The following ARL17B variants were observed in gnomAD, a reference collection of about 807,000 sequenced individuals.
The protein encoded by ARL17B is ARF like GTPase 17B, also known as ADP-ribosylation factor-like protein 17.
At chr17:46,308,828 G>C (rs1332950549) in intron 3 of ARL17B, among the ~76,000 whole-genome samples, 1 of 73,638 alleles carries the variant, frequency 1.4e-5, no homozygotes, top group East Asian at 2.6e-4. Flanking sequence ...GTGGTTGATC[G>C]ATGATGAATT....
At chr17:46,277,332 C>G (rs908725152) in intron 4 of ARL17B, among the ~76,000 whole-genome samples, 2 of 152,198 alleles carry the variant, frequency 1.3e-5, no homozygotes, top group African/African-American at 4.8e-5. Context: ...CAAGCAACTT[C>G]CTCTCCTTCA....
intron 4 of ARL17B, among the ~76,000 whole-genome samples, chr17:46,276,790 C>CTTTTCTTTTTTT (rs2049598576): frequency 1.5e-5 from 2 of 134,306 alleles, no homozygotes; most frequent in Non-Finnish European, 3.2e-5. Flanking sequence ...TTCTTTTTTT[C>CTTTTCTTTTTTT]TTTTTTTTTT....
rs2049587980 is a variant in ARL17B at position 46,276,409 on chromosome 17, C to G, written c.*22-991G>C. Among the ~76,000 whole-genome samples, 6 of 152,308 alleles carry G rather than the reference C, an allele frequency of 3.9e-5. No homozygotes were observed. In the South Asian group the frequency reaches 1.2e-3, roughly 32 times the overall value. ...TAAAAAATTATATTAGCTAACCTGA[C>G]TTTTTGGGGGGCAATTTTGGATTAC... On this transcript the variant is annotated intron_variant, in intron 4 of 4. Transcript: ENST00000570618.
chr17:46,308,029 T>A (rs1302106032), intron 3 of ARL17B, among the ~76,000 whole-genome samples: 1 of 73,150 alleles, frequency 1.4e-5, no homozygotes, highest in African/African-American at 3.5e-5. Context: ...AATAATAATA[T>A]AATAATAATA....
chr17:46,281,217 C>G (rs1364340280), intron 4 of ARL17B, among the ~76,000 whole-genome samples: 4 of 152,158 alleles, frequency 2.6e-5, no homozygotes, highest in Middle Eastern at 3.4e-3. Context: ...TATCAACTGA[C>G]CCCTTGCTCC....
intron 3 of ARL17B, among the ~76,000 whole-genome samples, chr17:46,314,491 C>A (rs1188018402): frequency 1.2e-5 from 1 of 81,104 alleles, no homozygotes; most frequent in African/African-American, 3.2e-5. Flanking sequence ...CAGAGTGAGA[C>A]TCCAATGGAG....
chr17:46,284,950 G>A (rs1181868650), intron 4 of ARL17B, among the ~76,000 whole-genome samples: 2 of 152,206 alleles, frequency 1.3e-5, no homozygotes, highest in African/African-American at 4.8e-5. Context: ...GCTCACTGTA[G>A]CCTCCTGTGC....
intron 4 of ARL17B, among the ~76,000 whole-genome samples, chr17:46,290,375 C>G (rs1228217809): frequency 8.2e-6 from 1 of 121,940 alleles, no homozygotes; most frequent in Non-Finnish European, 2.1e-5. Context: ...ATCCACCCAC[C>G]TCAGCCTTTT....
At chr17:46,291,581 G>A (rs2050068373) in intron 4 of ARL17B, among the ~76,000 whole-genome samples, 1 of 151,806 alleles carries the variant, frequency 6.6e-6, no homozygotes, top group African/African-American at 2.4e-5. Flanking sequence ...CTCAAAATAA[G>A]CTTGCAAAAT....
intron 4 of ARL17B, among the ~76,000 whole-genome samples, chr17:46,277,923 T>C (rs2049637162): frequency 6.6e-6 from 1 of 152,150 alleles, no homozygotes; most frequent in Admixed American, 6.6e-5. Flanking sequence ...ATTACGGACA[T>C]GAGCCACCAT....
rs1337402424 is a variant in ARL17B at position 46,293,120 on chromosome 17, AT to A, written c.*21+6405del. Reference sequence around the variant, plus strand: ...AGACACGCGTCACCACACTCAGCTAATTTTTGTATTTTTAGTAGAGATGGGG... The same window carrying A: ...AGACACGCGTCACCACACTCAGCTAATTTTGTATTTTTAGTAGAGATGGGG... On this transcript the variant is annotated intron_variant, in intron 4 of 4. Coordinates refer to the ARL17B transcript ENST00000570618. 28 of 35,738 alleles carry A rather than the reference AT, an allele frequency of 7.8e-4. 6 individuals carry two copies. The highest frequency in any genetic ancestry group is 1.9e-3 in the African/African-American group (28 of 15,002). The allele number at this position is 35,738 out of a possible 1,614,324, so 2.2% of individuals were successfully genotyped here. A position where few individuals can be genotyped will look rare whatever the true frequency, so the allele number is the denominator to read the frequency against.
intron 4 of ARL17B, among the ~76,000 whole-genome samples, chr17:46,290,371 C>T (rs1482532423): frequency 6.8e-6 from 1 of 147,924 alleles, no homozygotes; most frequent in Non-Finnish European, 1.5e-5. Context: ...AGTGATCCAC[C>T]CACCTCAGCC....
chr17:46,281,162 G>A (rs2049752513), intron 4 of ARL17B, among the ~76,000 whole-genome samples: 1 of 152,184 alleles, frequency 6.6e-6, no homozygotes. Flanking sequence ...AGTGATGTAT[G>A]TAGGAGTGAG....
intron 4 of ARL17B, among the ~76,000 whole-genome samples, chr17:46,286,291 A>G (rs1221637474): frequency 2.0e-5 from 3 of 152,268 alleles, no homozygotes; most frequent in Admixed American, 6.5e-5. Context: ...AAAATTTATA[A>G]GAACACTGTA....
chr17:46,350,418 A>G (rs1444683917), intron 3 of ARL17B, among the ~76,000 whole-genome samples: 5 of 79,432 alleles, frequency 6.3e-5, no homozygotes, highest in African/African-American at 1.8e-4. Flanking sequence ...CTTATGAAGT[A>G]TTCTTGCCCC....
At chr17:46,304,933 A>G (rs2050471756) in intron 3 of ARL17B, among the ~76,000 whole-genome samples, 1 of 67,396 alleles carries the variant, frequency 1.5e-5, no homozygotes, top group East Asian at 2.8e-4. Flanking sequence ...CAGTGGTGCG[A>G]TCTCGGCTCA....
At chr17:46,275,360 T>C in exon 5 of ARL17B, 1 of 989,958 alleles carries the variant, frequency 1.0e-6, no homozygotes, top group Non-Finnish European at 1.5e-6. Context: ...CTGTGTTTTA[T>C]GTTAGGTTAA....
At chr17:46,275,249 A>G (rs1192724498) in exon 5 of ARL17B, 2 of 474,876 alleles carry the variant, frequency 4.2e-6, no homozygotes, top group Non-Finnish European at 3.5e-6. Context: ...TTGGACTGTT[A>G]TGACCAATAA....
intron 4 of ARL17B, among the ~76,000 whole-genome samples, chr17:46,277,308 G>A (rs2049617063): frequency 1.3e-5 from 2 of 152,182 alleles, no homozygotes; most frequent in Non-Finnish European, 2.9e-5. Flanking sequence ...TCTTGCCACA[G>A]GCCCCAGGAC....
Sources: gnomAD v4.1 joint callset for allele counts (sites outside exome capture counted in the v4.1 genomes callset) on GRCh38, gnomAD v4.1.1 for gene constraint, MANE v1.5 for transcripts, NCBI Gene and HGNC (gene_info 2026-07-23, HGNC 2026-07-21) for gene names.